The following FRAS1 variants were observed in gnomAD, a reference collection of about 807,000 sequenced individuals.
FRAS1 encodes the protein extracellular matrix organizing protein FRAS1.
FRAS1 carries 290 observed loss-of-function variants against 435.2 expected under a neutral mutation model. The ratio of observed to expected loss-of-function variants is 0.67; its 90% confidence interval spans 0.61 to 0.73. FRAS1 has a LOEUF of 0.73. Ranked by LOEUF, FRAS1 falls within the 30% of genes least tolerant of loss-of-function variation. The pLI, the probability that FRAS1 is intolerant of heterozygous loss-of-function variation, is 0.00. For missense variants in FRAS1, 4,860 were observed against 5,001.5 expected (o/e 0.97, Z 0.85); for synonymous variants, 1,800 against 1,851.0 (o/e 0.97, Z 0.71).
chr4:78,528,135 C>T (rs935740401), intron 70 of FRAS1, among the ~76,000 whole-genome samples: 3 of 151,956 alleles, frequency 2.0e-5, no homozygotes, highest in Non-Finnish European at 4.4e-5. Context: ...TGAAGAATGT[C>T]GAGGTTTGAG....
At chr4:78,305,640 G>C (rs345538) in intron 14 of FRAS1, among the ~76,000 whole-genome samples, 101,272 of 137,210 alleles carry the variant, frequency 0.74, 38,207 homozygotes, top group African/African-American at 0.84. Flanking sequence ...CTCTTTTGAT[G>C]TTTGTTGGTT....
At chr4:78,358,002 A>T (rs973586403) in intron 20 of FRAS1, among the ~76,000 whole-genome samples, 3 of 152,160 alleles carry the variant, frequency 2.0e-5, no homozygotes, top group African/African-American at 7.2e-5. Context: ...TTGGGAACAC[A>T]TGATGACCCC....
chr4:78,367,173 G>A (rs1346363335), intron 22 of FRAS1, among the ~76,000 whole-genome samples: 1 of 152,146 alleles, frequency 6.6e-6, no homozygotes, highest in Non-Finnish European at 1.5e-5. Flanking sequence ...GGGAGAGCAA[G>A]GTGGGAGGAT....
chr4:78,471,009 G>T (rs903151733), intron 51 of FRAS1, among the ~76,000 whole-genome samples: 14 of 152,192 alleles, frequency 9.2e-5, no homozygotes, highest in Non-Finnish European at 1.9e-4. Context: ...TTGTTCACTA[G>T]AAGAAGGGGA....
At chr4:78,359,759 ATAAAC>A (rs1731004898) in intron 20 of FRAS1, among the ~76,000 whole-genome samples, 1 of 152,204 alleles carries the variant, frequency 6.6e-6, no homozygotes, top group Non-Finnish European at 1.5e-5. Flanking sequence ...AGGTAGAACT[ATAAAC>A]TAACTTGGAT....
intron 2 of FRAS1, among the ~76,000 whole-genome samples, chr4:78,076,619 A>C (rs1740654035): frequency 6.6e-6 from 1 of 152,184 alleles, no homozygotes; most frequent in Non-Finnish European, 1.5e-5. Context: ...CAATTCCTAC[A>C]TCTAAAATAT....
At chr4:78,429,342 G>C (rs1422199158) in intron 36 of FRAS1, 116 bp downstream of exon 36, 16 of 1,311,002 alleles carry the variant, frequency 1.2e-5, no homozygotes, top group Non-Finnish European at 1.5e-5. Context: ...GAAGTTGCCT[G>C]CATTCTCACC....
chr4:78,238,047 A>G (rs1560596432), intron 3 of FRAS1, among the ~76,000 whole-genome samples: 1 of 152,294 alleles, frequency 6.6e-6, no homozygotes, highest in East Asian at 1.9e-4. Flanking sequence ...ACTGACATTA[A>G]CTTCAACATG....
chr4:78,335,227 G>C (rs1253140495), intron 19 of FRAS1, among the ~76,000 whole-genome samples: 1 of 152,180 alleles, frequency 6.6e-6, no homozygotes, highest in African/African-American at 2.4e-5. Context: ...ATATTTCCCA[G>C]TTCTGAGGAT....
At position 78,363,620 on chromosome 4, in the gene FRAS1, C is replaced by G; in HGVS notation, c.2530C>G (p.Pro844Ala). ...CCTGCTGCTCGGGGACCACTGTGTT[C>G]CTGACTGCCCTTCAGGATACTATGC... ...HYLLLGDHCV[P>A]DCPSGYYAER... is the part of the protein sequence containing the mutation. Residue 844 changes from proline to alanine, a missense_variant, in exon 21 of 74, where the codon CCT becomes GCT. By Grantham distance (27) the Pro-to-Ala change is conservative. Transcript: ENST00000512123. 1 of 1,604,716 alleles carries G rather than the reference C, an allele frequency of 6.2e-7. No homozygotes were observed. Among genetic ancestry groups the G allele is most frequent in the Non-Finnish European group, 8.5e-7 (1 of 1,175,684 alleles).
chr4:78,418,896 TGGC>T, intron 32 of FRAS1, 50 bp from the exon 33 acceptor site: 2 of 1,111,994 alleles, frequency 1.8e-6, no homozygotes, highest in Admixed American at 2.2e-5. Context: ...TTTTTGCCTC[TGGC>T]TTTTGTTTTT....
intron 4 of FRAS1, among the ~76,000 whole-genome samples, chr4:78,245,776 T>C (rs1363338548): frequency 1.3e-5 from 2 of 152,220 alleles, no homozygotes; most frequent in Non-Finnish European, 1.5e-5. Flanking sequence ...CCTGGTCTTC[T>C]GACTCCTAAT....
Position 78,337,739 on chromosome 4 carries a change from C to T in FRAS1, c.2344C>T (p.His782Tyr). 2 of 1,613,956 alleles carry T rather than the reference C, an allele frequency of 1.2e-6. No homozygotes were observed. Among genetic ancestry groups the T allele is most frequent in the Non-Finnish European group, 1.7e-6 (2 of 1,179,844 alleles). The change falls in exon 20 of 74, where the codon CAC becomes TAC. Residue 782 changes from histidine to tyrosine, a missense_variant. Coordinates refer to ENST00000512123, the MANE Select transcript of FRAS1 (RefSeq NM_025074.7). ...GTCTGACTGCATCTCCTGTTACCCT[C>T]ACATCTCTCTTACCAATGGTAACTG... ...LESDCISCYP[H>Y]ISLTNGNCRT...
chr4:78,139,209 A>T (rs1349335457), intron 2 of FRAS1, among the ~76,000 whole-genome samples: 1 of 152,196 alleles, frequency 6.6e-6, no homozygotes, highest in African/African-American at 2.4e-5. Context: ...GCTGACAGGC[A>T]GCTTTTGACA....
chr4:78,539,509 A>G, intron 73 of FRAS1, 69 bp downstream of exon 73: 2 of 1,177,610 alleles, frequency 1.7e-6, no homozygotes, highest in Non-Finnish European at 2.4e-6. Flanking sequence ...AAAAAAAAAA[A>G]GAAGGAGGAC....
At chr4:78,187,580 A>G (rs1722325593) in intron 2 of FRAS1, among the ~76,000 whole-genome samples, 1 of 152,038 alleles carries the variant, frequency 6.6e-6, no homozygotes, top group African/African-American at 2.4e-5. Context: ...GACATAGCCT[A>G]TAAATGCTGT....
At chr4:78,438,241 A>G (rs1734505905) in intron 38 of FRAS1, among the ~76,000 whole-genome samples, 1 of 152,228 alleles carries the variant, frequency 6.6e-6, no homozygotes, top group Non-Finnish European at 1.5e-5. Context: ...TATTTTTACT[A>G]AAAGCTTAAA....
rs1722063904 is a variant in FRAS1, at chr4:78,541,826, GGCAGGCGTATCAGAGCACATTAGT to G, written c.*704_*727del. 1 of 152,176 alleles carries G rather than the reference GGCAGGCGTATCAGAGCACATTAGT, an allele frequency of 6.6e-6. No homozygotes were observed. 9.4% of individuals were successfully genotyped at this position (152,176 alleles called of 1,614,324 possible). A position where few individuals can be genotyped will look rare whatever the true frequency, so the allele number is the denominator to read the frequency against. On this transcript the variant is annotated 3_prime_UTR_variant, in exon 74 of 74. Coordinates refer to ENST00000512123, the MANE Select transcript of FRAS1 (RefSeq NM_025074.7). ...TGAAACCCGAGTTAAGGAGGGGCCTGGCAGGCGTATCAGAGCACATTAGTGATGCCCTTCACCCCAGGGAGGTGT... is the reference window on the plus strand; with the variant it reads ...TGAAACCCGAGTTAAGGAGGGGCCTGGATGCCCTTCACCCCAGGGAGGTGT...
At chr4:78,469,846 A>G (rs1487398205) in intron 50 of FRAS1, 132 bp from the exon 51 acceptor site, 12 of 706,100 alleles carry the variant, frequency 1.7e-5, no homozygotes, top group Non-Finnish European at 3.1e-5. Flanking sequence ...AGGGATGGGA[A>G]CGGGCTCAGT....
Sources: gnomAD v4.1 joint callset for allele counts (sites outside exome capture counted in the v4.1 genomes callset) on GRCh38, gnomAD v4.1.1 for gene constraint, MANE v1.5 for transcripts, NCBI Gene and HGNC (gene_info 2026-07-23, HGNC 2026-07-21) for gene names.